SNX29: variants seen among roughly 807,000 people sequenced by gnomAD.
SNX29 encodes sorting nexin-29.
A neutral mutation model predicts 102.1 loss-of-function variants in SNX29; 78 were observed. The ratio of observed to expected loss-of-function variants is 0.76; its 90% CI spans 0.64 to 0.92. The LOEUF is 0.92. Among genes scored for constraint, SNX29 ranks in the 40% least tolerant of loss-of-function variants. The pLI, the probability that SNX29 is intolerant of heterozygous loss-of-function variation, is 0.00. For missense variants in SNX29, 1,280 were observed against 1,061.7 expected (o/e 1.21, Z -2.86); for synonymous variants, 580 against 414.5 (o/e 1.40, Z -4.85).
intron 14 of SNX29, among the ~76,000 whole-genome samples, chr16:12,243,344 C>G (rs529686964): frequency 1.3e-5 from 2 of 152,354 alleles, no homozygotes; most frequent in African/African-American, 4.8e-5. Context: ...GATCTCTGAA[C>G]CTGTGCCACT....
intron 14 of SNX29, among the ~76,000 whole-genome samples, chr16:12,270,547 A>T (rs1030130022): frequency 3.3e-5 from 5 of 152,140 alleles, no homozygotes; most frequent in African/African-American, 1.2e-4. Context: ...CCACATACTC[A>T]CCTTTGGCAG....
At chr16:12,406,554 G>A (rs1460490897) in intron 18 of SNX29, among the ~76,000 whole-genome samples, 2 of 152,220 alleles carry the variant, frequency 1.3e-5, no homozygotes, top group African/African-American at 2.4e-5. Context: ...TGGTACTGGA[G>A]CTGCGCTGTC....
chr16:12,550,938 A>G (rs1333114394), intron 20 of SNX29, among the ~76,000 whole-genome samples: 1 of 152,184 alleles, frequency 6.6e-6, no homozygotes, highest in Non-Finnish European at 1.5e-5. Context: ...ATAAATTTTT[A>G]GTTGAATCAT....
intron 16 of SNX29, among the ~76,000 whole-genome samples, chr16:12,378,176 T>A (rs1251284812): frequency 1.3e-5 from 2 of 152,174 alleles, no homozygotes; most frequent in African/African-American, 4.8e-5. Flanking sequence ...AAAAGTTTTA[T>A]TTGGCTCACG....
intron 18 of SNX29, among the ~76,000 whole-genome samples, chr16:12,427,359 C>G (rs2085123977): frequency 6.6e-6 from 1 of 151,826 alleles, no homozygotes; most frequent in South Asian, 2.1e-4. Flanking sequence ...ATGTTTTAAC[C>G]TGCGTGAATT....
intron 11 of SNX29, among the ~76,000 whole-genome samples, chr16:12,084,539 G>A (rs1351201561): frequency 6.6e-6 from 1 of 152,196 alleles, no homozygotes; most frequent in African/African-American, 2.4e-5. Context: ...ACACGGAGCT[G>A]TACCTGGGGT....
intron 14 of SNX29, among the ~76,000 whole-genome samples, chr16:12,231,181 T>C (rs1178977507): frequency 6.6e-6 from 1 of 152,164 alleles, no homozygotes; most frequent in Non-Finnish European, 1.5e-5. Flanking sequence ...CATTAAACTG[T>C]CTGATTAGGA....
intron 18 of SNX29, among the ~76,000 whole-genome samples, chr16:12,468,359 G>T (rs776914823): frequency 2.0e-5 from 3 of 151,858 alleles, no homozygotes; most frequent in Non-Finnish European, 2.9e-5. Context: ...ATTATTAGTA[G>T]AGACGGGGTT....
chr16:12,443,052 G>T (rs2085882453), intron 18 of SNX29: 1 of 455,802 alleles, frequency 2.2e-6, no homozygotes. Flanking sequence ...ACAGCCAGCA[G>T]GCCAGGCGTC....
At chr16:12,553,507 G>C (rs1567185024) in intron 20 of SNX29, among the ~76,000 whole-genome samples, 2 of 152,160 alleles carry the variant, frequency 1.3e-5, no homozygotes. Context: ...GTGCACACTT[G>C]CCATCACAGT....
chr16:12,543,633 A>C (rs1333570958), intron 20 of SNX29, among the ~76,000 whole-genome samples: 1 of 152,022 alleles, frequency 6.6e-6, no homozygotes, highest in African/African-American at 2.4e-5. Flanking sequence ...AGTGCTCCGC[A>C]GCTGGTGCCG....
At chr16:12,568,258 T>TA (rs1254190264) in intron 20 of SNX29, among the ~76,000 whole-genome samples, 1 of 148,722 alleles carries the variant, frequency 6.7e-6, no homozygotes, top group Non-Finnish European at 1.5e-5. Flanking sequence ...TACCATGAGC[T>TA]AGCTCAGACT....
At chr16:12,030,669 C>A (rs958982362) in intron 4 of SNX29, among the ~76,000 whole-genome samples, 1 of 152,190 alleles carries the variant, frequency 6.6e-6, no homozygotes, top group African/African-American at 2.4e-5. Flanking sequence ...TCTTTAATGA[C>A]CATCCCACTC....
intron 20 of SNX29, among the ~76,000 whole-genome samples, chr16:12,551,007 C>T (rs192208567): frequency 6.6e-6 from 1 of 152,204 alleles, no homozygotes; most frequent in East Asian, 1.9e-4. Flanking sequence ...AATATTTCTT[C>T]TCTGGCCGAG....
rs1265758804 is a variant in SNX29 at position 12,220,305 on chromosome 16, TGGGAGGGAGGGAGGGAGGAA to T, written c.1678+20641_1678+20660del. ...TTCATTTTCAGTCAGGTTTTCTTTA[TGGGAGGGAGGGAGGGAGGAA>T]GGGAGGGAGGGAGGGAGGGAGAGCA... is the stretch of plus-strand genomic sequence containing the variant. On this transcript the variant is annotated intron_variant, in intron 14 of 20. Coordinates refer to ENST00000566228, the MANE Select transcript of SNX29 (RefSeq NM_032167.5). Among the ~76,000 whole-genome samples the T allele has an allele frequency of 7.6e-4, 12 of 15,760 alleles. No individual in the cohort carries two copies. The South Asian group carries it at 0.011, about 15-fold the overall frequency. 10.3% of individuals were successfully genotyped at this position (15,760 alleles called of 152,430 possible). A position where few individuals can be genotyped will look rare whatever the true frequency, so the allele number is the denominator to read the frequency against.
intron 20 of SNX29, among the ~76,000 whole-genome samples, chr16:12,549,529 T>TAG (rs1164314068): frequency 1.6e-5 from 1 of 64,002 alleles, no homozygotes; most frequent in African/African-American, 1.5e-4. Flanking sequence ...ATCCTCTATC[T>TAG]CAAATAGCCA....
At chr16:12,557,139 G>A (rs754544562) in intron 20 of SNX29, among the ~76,000 whole-genome samples, 11 of 151,840 alleles carry the variant, frequency 7.2e-5, no homozygotes, top group Admixed American at 1.3e-4. Flanking sequence ...AGGAGTCACT[G>A]CCCCTGGTCA....
intron 13 of SNX29, among the ~76,000 whole-genome samples, chr16:12,147,143 G>GC (rs2055097555): frequency 6.6e-6 from 1 of 152,230 alleles, no homozygotes; most frequent in Non-Finnish European, 1.5e-5. Flanking sequence ...GCGCGTGCCC[G>GC]CGTTGAATGG....
chr16:12,278,876 C>A (rs2079340670), intron 15 of SNX29, among the ~76,000 whole-genome samples: 1 of 152,048 alleles, frequency 6.6e-6, no homozygotes, highest in Non-Finnish European at 1.5e-5. Flanking sequence ...TAAGTCATCT[C>A]ATTAGTAGCC....
Sources: gnomAD v4.1 joint callset for allele counts (sites outside exome capture counted in the v4.1 genomes callset) on GRCh38, gnomAD v4.1.1 for gene constraint, MANE v1.5 for transcripts, NCBI Gene and HGNC (gene_info 2026-07-23, HGNC 2026-07-21) for gene names.